The following ZNF385B variants were observed in gnomAD, a reference collection of about 807,000 sequenced individuals.
The protein encoded by ZNF385B is zinc finger protein 533.
ZNF385B carries 23 observed loss-of-function variants against 39.2 expected under a neutral mutation model. That is an observed-to-expected ratio of 0.59 (90% CI 0.42 to 0.83). ZNF385B has a LOEUF of 0.83. Among genes scored for constraint, ZNF385B ranks in the 40% least tolerant of loss-of-function variants. The pLI, the probability that ZNF385B is intolerant of heterozygous loss-of-function variation, is 0.00. For synonymous variants in ZNF385B, 205 were observed against 222.6 expected (o/e 0.92, Z 0.70); for missense variants, 552 against 598.9 (o/e 0.92, Z 0.82).
chr2:179,521,597 G>C lies in ZNF385B; in HGVS notation c.442-2959C>G, dbSNP rs558088727. On this transcript the variant is annotated intron_variant, in intron 4 of 9. Coordinates refer to ENST00000410066, the MANE Select transcript of ZNF385B (RefSeq NM_152520.6). ...AGGCTGAGAGCTCTCCATCCTGAAA[G>C]GTAAGTTGAGACTGAGCACTCCAAA... Among the ~76,000 whole-genome samples the C allele has an allele frequency of 2.6e-5, 4 of 151,944 alleles. No individual in the cohort carries two copies. The South Asian group carries it at 6.2e-4, about 24-fold the overall frequency.
chr2:179,504,402 T>A (rs2057057143), intron 5 of ZNF385B, among the ~76,000 whole-genome samples: 1 of 152,108 alleles, frequency 6.6e-6, no homozygotes, highest in Non-Finnish European at 1.5e-5. Flanking sequence ...AGTAATGGGA[T>A]GGCTGGGTCA....
At chr2:179,730,692 C>A (rs1300395269) in intron 3 of ZNF385B, among the ~76,000 whole-genome samples, 154 of 152,168 alleles carry the variant, frequency 1.0e-3, no homozygotes, top group African/African-American at 3.6e-3. Flanking sequence ...AAAATTTAAG[C>A]TCAATAAATG....
chr2:179,697,382 G>A (rs1342748578), intron 3 of ZNF385B, among the ~76,000 whole-genome samples: 1 of 152,132 alleles, frequency 6.6e-6, no homozygotes, highest in Non-Finnish European at 1.5e-5. Context: ...TTTATAAATG[G>A]TAGTTTTTCC....
intron 3 of ZNF385B, among the ~76,000 whole-genome samples, chr2:179,575,108 G>T (rs1016038344): frequency 2.0e-5 from 3 of 152,030 alleles, no homozygotes; most frequent in Non-Finnish European, 4.4e-5. Context: ...CAGAGCTCAG[G>T]CCTCTGCCCC....
intron 3 of ZNF385B, among the ~76,000 whole-genome samples, chr2:179,582,848 TTTG>T (rs1181060931): frequency 3.9e-5 from 6 of 152,282 alleles, no homozygotes; most frequent in African/African-American, 1.4e-4. Flanking sequence ...ACCAATATTT[TTTG>T]TTGTTGTTGT....
At chr2:179,483,700 G>C (rs1178017586) in intron 5 of ZNF385B, among the ~76,000 whole-genome samples, 5 of 152,198 alleles carry the variant, frequency 3.3e-5, no homozygotes, top group Non-Finnish European at 7.3e-5. Flanking sequence ...GCAAAACTGT[G>C]ACACAGGTGA....
intron 3 of ZNF385B, among the ~76,000 whole-genome samples, chr2:179,661,017 C>A (rs529929990): frequency 3.3e-5 from 5 of 152,102 alleles, no homozygotes; most frequent in Non-Finnish European, 7.4e-5. Context: ...GAAGTTTTAT[C>A]GGTACTTGTT....
chr2:179,474,836 G>A (rs1489788865), intron 6 of ZNF385B, among the ~76,000 whole-genome samples: 4 of 152,140 alleles, frequency 2.6e-5, no homozygotes, highest in East Asian at 1.9e-4. Context: ...AAAAATCTGC[G>A]AGAACATCAA....
At chr2:179,472,156 C>A (rs2052845958) in intron 6 of ZNF385B, among the ~76,000 whole-genome samples, 1 of 152,148 alleles carries the variant, frequency 6.6e-6, no homozygotes, top group African/African-American at 2.4e-5. Flanking sequence ...CAAAAGGGTT[C>A]TCTCAATTTA....
At chr2:179,543,622 T>C (rs981799444) in intron 4 of ZNF385B, among the ~76,000 whole-genome samples, 17 of 152,086 alleles carry the variant, frequency 1.1e-4, no homozygotes, top group African/African-American at 4.1e-4. Context: ...TTTATCCTAT[T>C]GAGCCACTCC....
chr2:179,741,854 G>A lies in ZNF385B; in HGVS notation c.298+27649C>T, dbSNP rs886691426. 2.0e-5 allele frequency among the ~76,000 whole-genome samples: 3 copies of A among 151,988 alleles called. No homozygotes were observed. In the East Asian group the frequency reaches 5.8e-4, roughly 29 times the overall value. ...TTACTCTGCCTCTCGGAGAAATCTA[G>A]TGGGTGGCAGTCAGAACTAAGTCCT... On this transcript the variant is annotated intron_variant, in intron 3 of 9. Coordinates refer to ENST00000410066, the MANE Select transcript of ZNF385B (RefSeq NM_152520.6).
chr2:179,491,301 CT>C (rs2055199023), intron 5 of ZNF385B, among the ~76,000 whole-genome samples: 1 of 152,146 alleles, frequency 6.6e-6, no homozygotes, highest in Non-Finnish European at 1.5e-5. Flanking sequence ...GGTATATTTA[CT>C]TCACCTTCTG....
At chr2:179,825,998 T>G (rs868424829) in intron 1 of ZNF385B, among the ~76,000 whole-genome samples, 2 of 152,248 alleles carry the variant, frequency 1.3e-5, no homozygotes, top group Middle Eastern at 3.4e-3. Context: ...GACACTAAAT[T>G]TTGGGTATTC....
intron 1 of ZNF385B, among the ~76,000 whole-genome samples, chr2:179,799,047 G>A (rs1705864219): frequency 1.3e-5 from 2 of 151,866 alleles, no homozygotes; most frequent in African/African-American, 4.8e-5. Flanking sequence ...TCCCATTTCA[G>A]GTGATTGGTA....
At chr2:179,667,409 C>T (rs913418042) in intron 3 of ZNF385B, among the ~76,000 whole-genome samples, 1 of 152,162 alleles carries the variant, frequency 6.6e-6, no homozygotes, top group Non-Finnish European at 1.5e-5. Context: ...TCCCTCCCCC[C>T]CACCATTTTG....
At chr2:179,671,802 TGG>T (rs1222717286) in intron 3 of ZNF385B, among the ~76,000 whole-genome samples, 1 of 152,078 alleles carries the variant, frequency 6.6e-6, no homozygotes, top group South Asian at 2.1e-4. Flanking sequence ...AGCAAAGCAG[TGG>T]GGGTGTGGCT....
intron 3 of ZNF385B, among the ~76,000 whole-genome samples, chr2:179,727,373 A>T (rs568858944): frequency 6.6e-6 from 1 of 152,206 alleles, no homozygotes; most frequent in South Asian, 2.1e-4. Context: ...GAGTTGTGCT[A>T]TCTAAGCAAT....
intron 3 of ZNF385B, among the ~76,000 whole-genome samples, chr2:179,701,083 T>G (rs1361248621): frequency 6.6e-6 from 1 of 152,220 alleles, no homozygotes; most frequent in East Asian, 1.9e-4. Flanking sequence ...ATGTTTATTT[T>G]TCAGAACTAA....
intron 6 of ZNF385B, among the ~76,000 whole-genome samples, chr2:179,460,617 A>G (rs1188972605): frequency 6.6e-6 from 1 of 152,180 alleles, no homozygotes; most frequent in Admixed American, 6.5e-5. Context: ...TATAGACAAC[A>G]TCACTGTTGT....
Sources: gnomAD v4.1 joint callset for allele counts (sites outside exome capture counted in the v4.1 genomes callset) on GRCh38, gnomAD v4.1.1 for gene constraint, MANE v1.5 for transcripts, NCBI Gene and HGNC (gene_info 2026-07-23, HGNC 2026-07-21) for gene names.